The following COL26A1 variants were observed in gnomAD, a reference collection of about 807,000 sequenced individuals.
COL26A1 encodes collagen type XXVI alpha 1 chain.
In COL26A1, 41 loss-of-function variants were observed where a neutral mutation model predicts 59.3. That is an observed-to-expected ratio of 0.69 (90% CI 0.54 to 0.90). The LOEUF (loss-of-function observed/expected upper bound fraction) is 0.90. Among genes scored for constraint, COL26A1 ranks in the 40% least tolerant of loss-of-function variants. The probability of loss-of-function intolerance (pLI) is 0.00; values close to 1 mark genes in which losing one functional copy is unlikely to be tolerated. For missense variants in COL26A1, 612 were observed against 602.3 expected (o/e 1.02, Z -0.17); for synonymous variants, 266 against 256.0 (o/e 1.04, Z -0.37).
chr7:101,433,025 G>A (rs1792818557), intron 2 of COL26A1, among the ~76,000 whole-genome samples: 1 of 152,092 alleles, frequency 6.6e-6, no homozygotes. Context: ...TTTTATTATG[G>A]TTAAGAATGC....
At chr7:101,420,722 C>CTCACCAGCCCCTCCCTT (rs1792497152) in intron 2 of COL26A1, among the ~76,000 whole-genome samples, 1 of 142,686 alleles carries the variant, frequency 7.0e-6, no homozygotes, top group Non-Finnish European at 1.6e-5. Context: ...GCCCCTCCCT[C>CTCACCAGCCCCTCCCTT]TCACCAGCCC....
At chr7:101,476,550 C>CT (rs557412315) in intron 3 of COL26A1, among the ~76,000 whole-genome samples, 50,402 of 143,780 alleles carry the variant, frequency 0.35, 9,101 homozygotes, top group African/African-American at 0.38. Flanking sequence ...TACTTGGTTA[C>CT]TTTTTTTTTT....
intron 11 of COL26A1, 141 bp from the exon 12 acceptor site, chr7:101,555,646 C>G: frequency 1.7e-6 from 1 of 600,512 alleles, no homozygotes. Context: ...TCAGTCTATG[C>G]TTATTTGCAG....
At chr7:101,426,537 AG>A (rs1161518252) in intron 2 of COL26A1, among the ~76,000 whole-genome samples, 2 of 152,262 alleles carry the variant, frequency 1.3e-5, no homozygotes, top group South Asian at 4.1e-4. Flanking sequence ...AAAGAGAGGA[AG>A]GGGATGGGAC....
intron 3 of COL26A1, among the ~76,000 whole-genome samples, chr7:101,482,099 C>A (rs1794169041): frequency 6.6e-6 from 1 of 152,012 alleles, no homozygotes; most frequent in African/African-American, 2.4e-5. Flanking sequence ...TCACTGCAAC[C>A]TCTGCCTCCC....
rs765235154 is a variant in COL26A1, at chr7:101,544,092, G to A, written c.699G>A (p.Pro233=). ...CAGGAGAGAAGGGTCCAGCGGGGCCGCCTGGTAAGAAAACCCCCCACATAT... is the reference window on the plus strand; with the variant it reads ...CAGGAGAGAAGGGTCCAGCGGGGCCACCTGGTAAGAAAACCCCCCACATAT... ...GQTGEKGPAG[P]PGLLGPPGPR... is the part of the protein sequence containing the mutation. Residue 233 remains proline, a synonymous_variant, in exon 6 of 13, where the codon CCG becomes CCA. Coordinates refer to ENST00000313669, the MANE Select transcript of COL26A1 (RefSeq NM_001278563.3). 1.1e-5 allele frequency: 18 copies of A among 1,598,816 alleles called. No homozygotes were observed. In the Admixed American group the frequency reaches 1.2e-4, roughly 11 times the overall value.
At chr7:101,484,065 G>A (rs560042637) in intron 3 of COL26A1, among the ~76,000 whole-genome samples, 1 of 148,380 alleles carries the variant, frequency 6.7e-6, no homozygotes, top group African/African-American at 2.5e-5. Context: ...GCCCAGGCTG[G>A]CCTTGAACTC....
chr7:101,547,096 G>A, intron 7 of COL26A1, 60 bp from the exon 8 acceptor site: 2 of 1,269,848 alleles, frequency 1.6e-6, no homozygotes, highest in Middle Eastern at 2.6e-4. Context: ...CCCCGGACCA[G>A]CCTCCCAGCA....
chr7:101,533,161 G>A lies in COL26A1; in HGVS notation c.447+18G>A. ...AGGCCAAGGTCAGTCGGGCTGGGGA[G>A]TCTGGGCCTGGGGAGCTGCCTGGGG... On this transcript the variant is annotated intron_variant, in intron 4 of 12. Transcript: ENST00000313669. 1 of 1,586,408 alleles carries A rather than the reference G, an allele frequency of 6.3e-7. No homozygotes were observed. Among genetic ancestry groups the A allele is most frequent in the South Asian group, 1.1e-5 (1 of 87,622 alleles).
At chr7:101,368,909 G>A (rs376313468) in intron 1 of COL26A1, among the ~76,000 whole-genome samples, 1 of 151,090 alleles carries the variant, frequency 6.6e-6, no homozygotes, top group African/African-American at 2.4e-5. Flanking sequence ...TCAAAATCTG[G>A]CTCTTTCCAA....
At chr7:101,387,778 AT>A (rs1554404085) in intron 1 of COL26A1, among the ~76,000 whole-genome samples, 10 of 84,808 alleles carry the variant, frequency 1.2e-4, no homozygotes, top group Middle Eastern at 7.8e-3. Context: ...ATATATATAT[AT>A]TTTTTTTTAA....
chr7:101,461,724 T>G (rs545510657), intron 3 of COL26A1, among the ~76,000 whole-genome samples: 1 of 152,084 alleles, frequency 6.6e-6, no homozygotes, highest in Non-Finnish European at 1.5e-5. Context: ...GGGGCTGGGG[T>G]CCCATCACAT....
At chr7:101,524,403 C>G (rs1795199498) in intron 3 of COL26A1, among the ~76,000 whole-genome samples, 1 of 152,182 alleles carries the variant, frequency 6.6e-6, no homozygotes. Flanking sequence ...CAGGCACCTA[C>G]AGCCAGAAAA....
intron 3 of COL26A1, among the ~76,000 whole-genome samples, chr7:101,525,665 T>G (rs1795230324): frequency 6.6e-6 from 1 of 150,662 alleles, no homozygotes; most frequent in Admixed American, 6.6e-5. Flanking sequence ...CCCGGCTAAT[T>G]TTTTGTATTT....
intron 3 of COL26A1, among the ~76,000 whole-genome samples, chr7:101,490,110 T>A (rs1794426369): frequency 1.3e-5 from 2 of 151,260 alleles, no homozygotes; most frequent in Admixed American, 6.6e-5. Context: ...GTAATTTTTG[T>A]ATTTTTCAGT....
At chr7:101,449,997 G>A (rs746304967) in intron 3 of COL26A1, among the ~76,000 whole-genome samples, 20 of 151,882 alleles carry the variant, frequency 1.3e-4, no homozygotes, top group East Asian at 1.9e-4. Context: ...AGTGGTGGGC[G>A]CCTGTAATCC....
chr7:101,457,457 C>T (rs560543719), intron 3 of COL26A1, among the ~76,000 whole-genome samples: 1 of 152,208 alleles, frequency 6.6e-6, no homozygotes, highest in South Asian at 2.1e-4. Context: ...GCAGTTTCCT[C>T]CCCTAAACAA....
intron 1 of COL26A1, among the ~76,000 whole-genome samples, chr7:101,401,710 T>G (rs1391811230): frequency 5.9e-4 from 40 of 67,644 alleles, no homozygotes; most frequent in African/African-American, 1.0e-3. Flanking sequence ...GAGTAGGAGG[T>G]AGAGGAAGAG....
At chr7:101,392,276 T>C (rs10278838) in intron 1 of COL26A1, among the ~76,000 whole-genome samples, 120,360 of 151,976 alleles carry the variant, frequency 0.79, 48,054 homozygotes, top group Middle Eastern at 0.84. Context: ...GAGTCTGGCC[T>C]GTTGGGGCAG....
Sources: allele counts gnomAD v4.1 joint callset (sites outside exome capture counted in the v4.1 genomes callset), GRCh38; gene constraint gnomAD v4.1.1; transcripts MANE v1.5; gene names NCBI Gene and HGNC (gene_info 2026-07-23, HGNC 2026-07-21).